Variants in SH3BGR observed in about 807,000 individuals in gnomAD.
The protein encoded by SH3BGR is SH3 domain-binding glutamic acid-rich protein.
In SH3BGR, 29 loss-of-function variants were observed where a neutral mutation model predicts 24.5. The observed-to-expected ratio is 1.18, with a 90% CI of 0.88 to 1.61. The LOEUF (loss-of-function observed/expected upper bound fraction) is 1.61. Among genes scored for constraint, SH3BGR ranks in the 40% most tolerant of loss-of-function variants. The pLI is 0.00. For synonymous variants in SH3BGR, 55 were observed against 65.7 expected (o/e 0.84, Z 0.79); for missense variants, 162 against 205.8 (o/e 0.79, Z 1.30).
chr21:39,455,797 G>C (rs115682939), intron 1 of SH3BGR, among the ~76,000 whole-genome samples: 3 of 152,326 alleles, frequency 2.0e-5, no homozygotes, highest in Admixed American at 6.5e-5. Flanking sequence ...CCTGAATAGC[G>C]TGATAAGCAA....
chr21:39,484,533 T>A (rs1440841198), intron 3 of SH3BGR, among the ~76,000 whole-genome samples: 2 of 152,236 alleles, frequency 1.3e-5, no homozygotes, highest in Non-Finnish European at 2.9e-5. Flanking sequence ...TAATATCTAA[T>A]CTCCGTTTTT....
rs993989573 is a variant in SH3BGR, at chr21:39,511,441, G to A, written c.436-239G>A. Among the ~76,000 whole-genome samples, 2 of 147,772 alleles carry A rather than the reference G, an allele frequency of 1.4e-5. No homozygotes were observed. Among genetic ancestry groups the A allele is most frequent in the Admixed American group, 6.8e-5 (1 of 14,750 alleles). ...GTGTGGGGGGGTGTGTGTGCTGTGT[G>A]TCATGTGTGTTTCCGTGGTGTGTGT... On this transcript the variant is annotated intron_variant, in intron 5 of 6. Transcript: ENST00000333634. The surrounding 1 kb of genome is among the most constrained non-coding windows in gnomAD (Gnocchi z 4.2).
chr21:39,445,998 C>T (rs184108846), exon 1 of SH3BGR: 3 of 152,422 alleles, frequency 2.0e-5, no homozygotes, highest in Admixed American at 2.0e-4. Flanking sequence ...GGGACCCTGC[C>T]TTCCCGCGTG....
In SH3BGR at chr21:39,479,161, G is replaced by T. The variant is rs568655673; in HGVS notation, c.312+3946G>T. Reference sequence around the variant, plus strand: ...GAGGTGAGAGGATTGCTTGTGCCTAGGGTTTCGAGGCCAGTCTTGGCAACA... The same window carrying T: ...GAGGTGAGAGGATTGCTTGTGCCTATGGTTTCGAGGCCAGTCTTGGCAACA... On this transcript the variant is annotated intron_variant, in intron 3 of 6. Coordinates refer to ENST00000333634, the MANE Select transcript of SH3BGR (RefSeq NM_007341.3). Among the ~76,000 whole-genome samples, 36 of 152,112 alleles carry T rather than the reference G, an allele frequency of 2.4e-4. 1 individual carries two copies. The South Asian group carries it at 5.2e-3, about 22-fold the overall frequency.
chr21:39,509,078 T>C, intron 5 of SH3BGR, 51 bp downstream of exon 5: 1 of 1,480,856 alleles, frequency 6.8e-7, no homozygotes, highest in East Asian at 2.3e-5. Flanking sequence ...AATAAAAACA[T>C]CTTTTAGGTG....
chr21:39,447,670 C>T (rs767995070), upstream of SH3BGR, among the ~76,000 whole-genome samples: 4 of 152,050 alleles, frequency 2.6e-5, no homozygotes, highest in African/African-American at 4.8e-5. Context: ...CTGCCCGCCT[C>T]GGCCTCCCAA....
chr21:39,476,717 T>A (rs934033023), intron 3 of SH3BGR, among the ~76,000 whole-genome samples: 6 of 152,148 alleles, frequency 3.9e-5, no homozygotes, highest in African/African-American at 1.4e-4. Flanking sequence ...TCTCCCGTAT[T>A]CCTACTACTT....
chr21:39,468,311 A>T (rs1338695211), intron 2 of SH3BGR, among the ~76,000 whole-genome samples: 1 of 152,226 alleles, frequency 6.6e-6, no homozygotes, highest in East Asian at 1.9e-4. Flanking sequence ...TACATAATTT[A>T]AAAAGGAGTG....
At chr21:39,477,393 TC>T (rs1218280769) in intron 3 of SH3BGR, among the ~76,000 whole-genome samples, 1 of 152,168 alleles carries the variant, frequency 6.6e-6, no homozygotes, top group Non-Finnish European at 1.5e-5. Context: ...GCCTCAGCTT[TC>T]CAAGTAGCCA....
chr21:39,479,361 AGAT>A lies in SH3BGR; in HGVS notation c.312+4151_312+4153del, dbSNP rs551240500. ...GTGGTGATTGTGGTGGTGATGGTGG[AGAT>A]GATGGTGGTGGTGATGGTGGTGGTG... is the stretch of plus-strand genomic sequence containing the variant. On this transcript the variant is annotated intron_variant, in intron 3 of 6. Transcript: ENST00000333634. Among the ~76,000 whole-genome samples, 232 of 125,436 alleles carry A rather than the reference AGAT, an allele frequency of 1.8e-3. 1 individual carries two copies. The highest frequency in any genetic ancestry group is 6.9e-3 in the African/African-American group (203 of 29,494). The allele number at this position is 125,436 out of a possible 152,430, so 82.3% of individuals were successfully genotyped here. A position where few individuals can be genotyped will look rare whatever the true frequency, so the allele number is the denominator to read the frequency against.
upstream of SH3BGR, among the ~76,000 whole-genome samples, chr21:39,447,708 C>T (rs576875653): frequency 1.1e-4 from 17 of 152,196 alleles, no homozygotes; most frequent in Admixed American, 8.5e-4. Context: ...CATAAGCCAC[C>T]GTGCCTGGCC....
At chr21:39,499,735 A>G in intron 3 of SH3BGR, 88 bp from the exon 4 acceptor site, 1 of 909,296 alleles carries the variant, frequency 1.1e-6, no homozygotes, top group Non-Finnish European at 1.7e-6. Context: ...CTGTGTGTCT[A>G]AATAAGAAAG....
At chr21:39,458,977 A>G (rs1373783013) in intron 1 of SH3BGR, among the ~76,000 whole-genome samples, 1 of 151,664 alleles carries the variant, frequency 6.6e-6, no homozygotes, top group Non-Finnish European at 1.5e-5. Flanking sequence ...ATAAATGGCC[A>G]TACTTTTGCC....
At chr21:39,508,771 A>G (rs1296424805) in intron 4 of SH3BGR, among the ~76,000 whole-genome samples, 1 of 152,218 alleles carries the variant, frequency 6.6e-6, no homozygotes, top group Non-Finnish European at 1.5e-5. Context: ...GTGATGGGAA[A>G]CGGTCTTTAA....
intron 1 of SH3BGR, among the ~76,000 whole-genome samples, chr21:39,457,823 C>G (rs2077687695): frequency 6.6e-6 from 1 of 151,776 alleles, no homozygotes; most frequent in African/African-American, 2.4e-5. Context: ...ATTCGGGAGG[C>G]TGAGGTGGGA....
chr21:39,448,666 GAAAC>G (rs1388891973), upstream of SH3BGR, among the ~76,000 whole-genome samples: 1 of 151,966 alleles, frequency 6.6e-6, no homozygotes, highest in Non-Finnish European at 1.5e-5. Flanking sequence ...CCTGGTGACA[GAAAC>G]AAACAAAAAA....
intron 1 of SH3BGR, among the ~76,000 whole-genome samples, chr21:39,455,265 G>A (rs1157953053): frequency 6.6e-6 from 1 of 152,188 alleles, no homozygotes. Context: ...ATAGGAAAAC[G>A]GAGCTCTCTG....
chr21:39,470,223 T>G (rs1224902471), intron 2 of SH3BGR, among the ~76,000 whole-genome samples: 1 of 151,730 alleles, frequency 6.6e-6, no homozygotes. Flanking sequence ...CATACTTAAA[T>G]TAGTTAAAGA....
At chr21:39,472,216 C>T (rs1329998090) in intron 2 of SH3BGR, among the ~76,000 whole-genome samples, 1 of 152,178 alleles carries the variant, frequency 6.6e-6, no homozygotes, top group Non-Finnish European at 1.5e-5. Flanking sequence ...TTATTTGGCT[C>T]ATAGCTCTGG....
Sources: allele counts gnomAD v4.1 joint callset (sites outside exome capture counted in the v4.1 genomes callset), GRCh38; gene constraint gnomAD v4.1.1; non-coding constraint Gnocchi (gnomAD v3.1); transcripts MANE v1.5; gene names NCBI Gene and HGNC (gene_info 2026-07-23, HGNC 2026-07-21).